KCNK13: variants seen among roughly 807,000 people sequenced by gnomAD.
The protein encoded by KCNK13 is potassium channel subfamily K member 13.
In KCNK13, 12 loss-of-function variants were observed where a neutral mutation model predicts 23.4. The ratio of observed to expected loss-of-function variants is 0.51; its 90% CI spans 0.33 to 0.83. The LOEUF is 0.83. KCNK13 is among the 40% of genes least tolerant of loss of function. The probability of loss-of-function intolerance (pLI) is 0.02; values close to 1 mark genes in which losing one functional copy is unlikely to be tolerated. For missense variants in KCNK13, 463 were observed against 556.3 expected, an observed-to-expected ratio of 0.83 and a Z score of 1.69; for synonymous variants, 231 against 229.5, an observed-to-expected ratio of 1.01 and a Z score of -0.06.
intron 1 of KCNK13, among the ~76,000 whole-genome samples, chr14:90,104,970 A>G (rs1015164979): frequency 5.3e-5 from 8 of 150,496 alleles, no homozygotes; most frequent in African/African-American, 1.7e-4. Flanking sequence ...TTTGTTTTTC[A>G]GTAGAGATGG....
In KCNK13 at chr14:90,185,231, T is replaced by C. The variant is rs928607252; in HGVS notation, c.*228T>C. ...TCTCCTGATCCTTATTCTTTAAGTC[T>C]AAATTCAGTCTTTTCAAAACAAATC... On this transcript the variant is annotated 3_prime_UTR_variant, in exon 2 of 2. Coordinates refer to ENST00000282146, the MANE Select transcript of KCNK13 (RefSeq NM_022054.4). The C allele has an allele frequency of 4.6e-4, 203 of 445,612 alleles. 2 individuals are homozygous for C. The highest frequency in any genetic ancestry group is 1.1e-3 in the Middle Eastern group (2 of 1,740). The allele number at this position is 445,612 out of a possible 1,614,324, so 27.6% of individuals were successfully genotyped here.
At chr14:90,115,547 C>G (rs1306832535) in intron 1 of KCNK13, among the ~76,000 whole-genome samples, 1 of 152,166 alleles carries the variant, frequency 6.6e-6, no homozygotes. Context: ...CCCAGGGGCC[C>G]TTTCTGTAAA....
At chr14:90,077,517 T>C (rs1450609017) in intron 1 of KCNK13, among the ~76,000 whole-genome samples, 1 of 152,200 alleles carries the variant, frequency 6.6e-6, no homozygotes, top group East Asian at 1.9e-4. Flanking sequence ...AGTTGGGTAT[T>C]CGTGTTTTAA....
At chr14:90,143,307 A>G (rs1165206454) in intron 1 of KCNK13, among the ~76,000 whole-genome samples, 1 of 150,154 alleles carries the variant, frequency 6.7e-6, no homozygotes, top group African/African-American at 2.5e-5. Context: ...TCCTGGGCTC[A>G]TGCCATCCTC....
chr14:90,181,568 TCA>T (rs1890486289), intron 1 of KCNK13, among the ~76,000 whole-genome samples: 2 of 152,128 alleles, frequency 1.3e-5, no homozygotes, highest in Admixed American at 1.3e-4. Flanking sequence ...ACATAAACAC[TCA>T]GACCACGGCA....
chr14:90,116,512 T>C (rs190397167), intron 1 of KCNK13, among the ~76,000 whole-genome samples: 2 of 152,184 alleles, frequency 1.3e-5, no homozygotes, highest in Admixed American at 1.3e-4. Flanking sequence ...CAGGGGACAA[T>C]GAGGGCTGTC....
chr14:90,107,869 G>A (rs967136002), intron 1 of KCNK13: 12 of 822,338 alleles, frequency 1.5e-5, no homozygotes, highest in South Asian at 5.3e-5. Flanking sequence ...AACAGCTCAC[G>A]GGAGCAAGAA....
chr14:90,156,160 G>A (rs1032220535), intron 1 of KCNK13, among the ~76,000 whole-genome samples: 9 of 150,106 alleles, frequency 6.0e-5, no homozygotes, highest in Non-Finnish European at 8.8e-5. Context: ...AGCCACGTTC[G>A]TGCCACTGCC....
intron 1 of KCNK13, among the ~76,000 whole-genome samples, chr14:90,110,724 C>T (rs953363321): frequency 3.3e-5 from 5 of 151,732 alleles, no homozygotes; most frequent in African/African-American, 1.2e-4. Flanking sequence ...TATGCATATC[C>T]CTGGCCAAGT....
chr14:90,121,693 G>T (rs539329224), intron 1 of KCNK13, among the ~76,000 whole-genome samples: 5 of 152,016 alleles, frequency 3.3e-5, no homozygotes, highest in Admixed American at 6.6e-5. Flanking sequence ...TTGTTGGATT[G>T]CCTTTCAGCC....
intron 1 of KCNK13, among the ~76,000 whole-genome samples, chr14:90,174,227 G>A (rs567626764): frequency 5.3e-5 from 8 of 151,998 alleles, no homozygotes; most frequent in Non-Finnish European, 7.4e-5. Context: ...GGAGAATGGC[G>A]TGAACCTGGG....
At chr14:90,176,952 G>A (rs755949290) in intron 1 of KCNK13, among the ~76,000 whole-genome samples, 15 of 152,184 alleles carry the variant, frequency 9.9e-5, no homozygotes, top group African/African-American at 2.9e-4. Flanking sequence ...CCCAGGAGGC[G>A]GAGGTTGCAG....
chr14:90,068,857 G>A (rs1312482730), intron 1 of KCNK13, among the ~76,000 whole-genome samples: 2 of 151,810 alleles, frequency 1.3e-5, no homozygotes, highest in African/African-American at 2.4e-5. Flanking sequence ...TGACCTCCTC[G>A]CCAACTGGAA....
At chr14:90,156,725 T>C (rs996939289) in intron 1 of KCNK13, among the ~76,000 whole-genome samples, 1 of 152,146 alleles carries the variant, frequency 6.6e-6, no homozygotes, top group African/African-American at 2.4e-5. Flanking sequence ...AGATGAGGCA[T>C]AGGGGAGGTT....
intron 1 of KCNK13, among the ~76,000 whole-genome samples, chr14:90,175,956 T>C (rs1890417691): frequency 6.6e-6 from 1 of 152,102 alleles, no homozygotes; most frequent in Non-Finnish European, 1.5e-5. Flanking sequence ...GAAGCTGAAG[T>C]TCCTAAGCTT....
intron 1 of KCNK13, among the ~76,000 whole-genome samples, chr14:90,092,154 C>T (rs1596773966): frequency 6.6e-6 from 1 of 152,254 alleles, no homozygotes; most frequent in Non-Finnish European, 1.5e-5. Context: ...CATCTCCTGA[C>T]CTCGTGATCT....
intron 1 of KCNK13, among the ~76,000 whole-genome samples, chr14:90,109,564 A>T (rs1889589488): frequency 6.6e-6 from 1 of 151,410 alleles, no homozygotes; most frequent in Non-Finnish European, 1.5e-5. Context: ...GCCCACCACC[A>T]CGCCTGGCTA....
chr14:90,108,394 T>C (rs555875163), intron 1 of KCNK13, among the ~76,000 whole-genome samples: 1 of 152,330 alleles, frequency 6.6e-6, no homozygotes, highest in South Asian at 2.1e-4. Flanking sequence ...GGTTTTCTGC[T>C]ACTGCCCATT....
At chr14:90,118,958 A>T (rs1889706532) in intron 1 of KCNK13, among the ~76,000 whole-genome samples, 1 of 152,184 alleles carries the variant, frequency 6.6e-6, no homozygotes, top group Non-Finnish European at 1.5e-5. Flanking sequence ...GGCAAAGAGG[A>T]TGTTACCACT....
Sources: gnomAD v4.1 joint callset for allele counts (sites outside exome capture counted in the v4.1 genomes callset) on GRCh38, gnomAD v4.1.1 for gene constraint, MANE v1.5 for transcripts, NCBI Gene and HGNC (gene_info 2026-07-23, HGNC 2026-07-21) for gene names.